CLPB: variants seen among roughly 807,000 people sequenced by gnomAD.
CLPB encodes ClpB family mitochondrial disaggregase.
A neutral mutation model predicts 78.4 loss-of-function variants in CLPB; 40 were observed. That is an observed-to-expected ratio of 0.51 (90% CI 0.40 to 0.66). The LOEUF is 0.66. CLPB is among the 30% of genes least tolerant of loss of function. The pLI is 0.00. For missense variants in CLPB, 780 were observed against 886.9 expected (o/e 0.88, Z 1.53); for synonymous variants, 333 against 348.0 (o/e 0.96, Z 0.48).
At chr11:72,411,770 A>C (rs1426023561) in intron 2 of CLPB, 1 of 152,230 alleles carries the variant, frequency 6.6e-6, no homozygotes, top group Non-Finnish European at 1.5e-5. Context: ...CAAAGCGGCC[A>C]CTGAACTTCA....
At chr11:72,370,630 C>A (rs1590858529) in intron 4 of CLPB, among the ~76,000 whole-genome samples, 2 of 152,192 alleles carry the variant, frequency 1.3e-5, no homozygotes. Context: ...AAGCTGGGGG[C>A]ACATGCAGGC....
intron 3 of CLPB, among the ~76,000 whole-genome samples, chr11:72,395,669 G>A (rs924844431): frequency 1.3e-5 from 2 of 152,228 alleles, no homozygotes; most frequent in African/African-American, 4.8e-5. Context: ...TCCTTGGGCA[G>A]AAGGTAGCCC....
At chr11:72,407,997 A>G (rs766366906) in intron 2 of CLPB, 19 of 806,204 alleles carry the variant, frequency 2.4e-5, no homozygotes, top group Non-Finnish European at 3.6e-5. Context: ...CATCTGGCTA[A>G]GCTTTGTCTC....
At chr11:72,328,902 C>CAG (rs1336939722) in intron 6 of CLPB, among the ~76,000 whole-genome samples, 1 of 145,034 alleles carries the variant, frequency 6.9e-6, no homozygotes, top group Non-Finnish European at 1.5e-5. Context: ...AGAGTCCCCT[C>CAG]AGAGGCTGAG....
intron 3 of CLPB, among the ~76,000 whole-genome samples, chr11:72,400,870 C>T (rs530160288): frequency 1.3e-5 from 2 of 152,312 alleles, no homozygotes; most frequent in Middle Eastern, 3.4e-3. Context: ...GTATCCCATA[C>T]ATACTGCTCT....
chr11:72,320,275 C>T (rs1950022355), intron 6 of CLPB, among the ~76,000 whole-genome samples: 1 of 152,226 alleles, frequency 6.6e-6, no homozygotes, highest in African/African-American at 2.4e-5. Flanking sequence ...AGTGTGGCCT[C>T]CCTGAGTCTT....
At chr11:72,367,446 G>T (rs994639889) in intron 4 of CLPB, among the ~76,000 whole-genome samples, 1 of 152,154 alleles carries the variant, frequency 6.6e-6, no homozygotes, top group African/African-American at 2.4e-5. Context: ...TTACAGGCAT[G>T]AGCTGTGTCC....
chr11:72,343,787 G>C (rs905313267), intron 5 of CLPB, among the ~76,000 whole-genome samples: 1 of 152,176 alleles, frequency 6.6e-6, no homozygotes, highest in Non-Finnish European at 1.5e-5. Context: ...CAGATGAATG[G>C]TCCTGGGTAA....
At chr11:72,294,896 T>C (rs1035722266) in intron 12 of CLPB, among the ~76,000 whole-genome samples, 4 of 152,104 alleles carry the variant, frequency 2.6e-5, no homozygotes, top group Non-Finnish European at 5.9e-5. Flanking sequence ...CTCAAGTGTA[T>C]GAAGTCTGCG....
intron 1 of CLPB, among the ~76,000 whole-genome samples, chr11:72,430,827 G>A (rs1328376786): frequency 6.6e-6 from 1 of 152,200 alleles, no homozygotes; most frequent in Non-Finnish European, 1.5e-5. Context: ...AGAGGAGCAA[G>A]CAGGGTGTAG....
chr11:72,412,817 T>C (rs1232461456), intron 2 of CLPB, among the ~76,000 whole-genome samples: 1 of 152,238 alleles, frequency 6.6e-6, no homozygotes, highest in Non-Finnish European at 1.5e-5. Context: ...CCTCAGTGAA[T>C]ACTTGCTGGA....
At chr11:72,310,567 C>T (rs1327432516) in intron 7 of CLPB, among the ~76,000 whole-genome samples, 1 of 152,170 alleles carries the variant, frequency 6.6e-6, no homozygotes, top group Admixed American at 6.6e-5. Flanking sequence ...ATTGAAACGG[C>T]AAAGGCTAGA....
chr11:72,364,997 A>G (rs1416426340), intron 4 of CLPB, among the ~76,000 whole-genome samples: 1 of 152,232 alleles, frequency 6.6e-6, no homozygotes, highest in Non-Finnish European at 1.5e-5. Context: ...GATGCTCAAT[A>G]TCACTGGCTA....
At chr11:72,344,606 G>A (rs1328548312) in intron 5 of CLPB, among the ~76,000 whole-genome samples, 4 of 151,964 alleles carry the variant, frequency 2.6e-5, no homozygotes, top group South Asian at 2.1e-4. Flanking sequence ...GAGTGTCACC[G>A]AAGCCCGAGT....
chr11:72,397,472 T>TA (rs1276175839), intron 3 of CLPB, among the ~76,000 whole-genome samples: 1 of 152,256 alleles, frequency 6.6e-6, no homozygotes, highest in African/African-American at 2.4e-5. Context: ...AATGTGGCTA[T>TA]ACCATTATGC....
At position 72,408,006 on chromosome 11, in the gene CLPB, T is replaced by A. The variant is rs555068377; in HGVS notation, c.456-4954A>T. Reference sequence around the variant, plus strand: ...GCACATCATCTGGCTAAGCTTTGTCTCTTCATAGGTCCAATGAGGATCACA... The same window carrying A: ...GCACATCATCTGGCTAAGCTTTGTCACTTCATAGGTCCAATGAGGATCACA... On this transcript the variant is annotated intron_variant, in intron 2 of 15. Transcript: ENST00000538039. 73 of 849,966 alleles carry A rather than the reference T, an allele frequency of 8.6e-5. No homozygotes were observed. The African/African-American group carries it at 1.1e-3, about 13-fold the overall frequency. The allele number at this position is 849,966 out of a possible 1,614,324, so 52.7% of individuals were successfully genotyped here. A position where few individuals can be genotyped will look rare whatever the true frequency, so the allele number is the denominator to read the frequency against.
At chr11:72,403,196 T>C (rs1855614908) in intron 2 of CLPB, 144 bp from the exon 3 acceptor site, 1 of 813,530 alleles carries the variant, frequency 1.2e-6, no homozygotes, top group Non-Finnish European at 2.0e-6. Flanking sequence ...AGAAATGACA[T>C]AGTCAACAAA....
At chr11:72,354,577 G>A (rs1340125160) in intron 5 of CLPB, 4 of 367,858 alleles carry the variant, frequency 1.1e-5, no homozygotes, top group Non-Finnish European at 1.9e-5. Context: ...CCTCTTTCTA[G>A]TCCTACTGCC....
intron 11 of CLPB, among the ~76,000 whole-genome samples, chr11:72,298,961 G>C (rs1272592331): frequency 6.6e-6 from 1 of 152,208 alleles, no homozygotes; most frequent in Admixed American, 6.5e-5. Context: ...AAGGATTCCT[G>C]AACTGCTATT....
Sources: allele counts gnomAD v4.1 joint callset (sites outside exome capture counted in the v4.1 genomes callset), GRCh38; gene constraint gnomAD v4.1.1; transcripts MANE v1.5; gene names NCBI Gene and HGNC (gene_info 2026-07-23, HGNC 2026-07-21).